Variants in RUNX1T1 observed in about 807,000 individuals in gnomAD.
RUNX1T1 encodes the protein RUNX1 partner transcriptional co-repressor 1, also known as protein CBFA2T1.
A neutral mutation model predicts 62.8 loss-of-function variants in RUNX1T1; 4 were observed. That is an observed-to-expected ratio of 0.06 (90% CI 0.03 to 0.15). The LOEUF is 0.15. Among genes scored for constraint, RUNX1T1 ranks in the 10% least tolerant of loss-of-function variants. The pLI, the probability that RUNX1T1 is intolerant of heterozygous loss-of-function variation, is 1.00. For missense variants in RUNX1T1, 508 were observed against 754.3 expected (o/e 0.67, Z 3.82); for synonymous variants, 291 against 286.0 (o/e 1.02, Z -0.18).
intron 2 of RUNX1T1, chr8:92,071,207 T>G (rs1177468238): frequency 2.0e-5 from 3 of 152,176 alleles, no homozygotes; most frequent in Non-Finnish European, 4.4e-5. Context: ...AACATTCAAG[T>G]GCAAAAGTTC....
chr8:92,094,915 T>C (rs1837561879), intron 1 of RUNX1T1: 2 of 748,852 alleles, frequency 2.7e-6, no homozygotes, highest in Non-Finnish European at 4.3e-6. Flanking sequence ...TCTAAAGGCT[T>C]CAGCGTCCAG....
At chr8:92,070,439 G>A (rs781564037) in intron 2 of RUNX1T1, among the ~76,000 whole-genome samples, 21 of 152,132 alleles carry the variant, frequency 1.4e-4, no homozygotes, top group Non-Finnish European at 2.2e-4. Context: ...AAATAAACAC[G>A]CACATGCCTG....
downstream of RUNX1T1, chr8:91,958,773 G>A (rs1292180931): frequency 5.9e-6 from 1 of 170,316 alleles, no homozygotes. Flanking sequence ...GGGAGTCATT[G>A]TGACAGTGCA....
At chr8:92,102,936 C>G (rs1006653583), upstream of RUNX1T1, 1 of 1,503,552 alleles carries the variant, frequency 6.7e-7, no homozygotes, top group Non-Finnish European at 8.8e-7. The surrounding 1 kb of genome is among the most constrained non-coding windows in gnomAD (Gnocchi z 4.5). Context: ...TCGGCCGGCC[C>G]GCGGGGCGAC....
upstream of RUNX1T1, among the ~76,000 whole-genome samples, chr8:92,100,445 A>G (rs1296889928): frequency 6.6e-6 from 1 of 152,228 alleles, no homozygotes; most frequent in Non-Finnish European, 1.5e-5. Flanking sequence ...TATTTAATAA[A>G]AAGTTAACCT....
intron 5 of RUNX1T1, among the ~76,000 whole-genome samples, chr8:91,996,565 C>T (rs903796312): frequency 6.6e-6 from 1 of 152,172 alleles, no homozygotes; most frequent in Non-Finnish European, 1.5e-5. Flanking sequence ...TTCCTCAACA[C>T]AATCTAACCA....
intron 1 of RUNX1T1, among the ~76,000 whole-genome samples, chr8:92,045,315 C>T (rs890577995): frequency 6.6e-6 from 1 of 152,074 alleles, no homozygotes; most frequent in Non-Finnish European, 1.5e-5. Context: ...CATAAATGTA[C>T]AATTTTTTCC....
chr8:91,999,220 C>G (rs1174016991), intron 5 of RUNX1T1, among the ~76,000 whole-genome samples: 1 of 152,108 alleles, frequency 6.6e-6, no homozygotes, highest in Non-Finnish European at 1.5e-5. Context: ...CCATTAAAAA[C>G]AGAACAAATG....
chr8:92,053,221 T>C (rs1830497999), intron 1 of RUNX1T1, among the ~76,000 whole-genome samples: 1 of 152,124 alleles, frequency 6.6e-6, no homozygotes, highest in Non-Finnish European at 1.5e-5. Context: ...TACCTGTCTA[T>C]CAAATTGTTA....
chr8:91,981,404 CTTTTTTTTTTTTT>C (rs67366711), intron 8 of RUNX1T1, among the ~76,000 whole-genome samples: 3 of 63,842 alleles, frequency 4.7e-5, no homozygotes, highest in African/African-American at 6.3e-5. Flanking sequence ...AGTTACTAAG[CTTTTTTTTTTTTT>C]TTTTTTTTTT....
chr8:91,974,812 G>A (rs1813570024), intron 9 of RUNX1T1, among the ~76,000 whole-genome samples: 1 of 152,156 alleles, frequency 6.6e-6, no homozygotes, highest in Admixed American at 6.5e-5. Flanking sequence ...AACCTAGAAT[G>A]CTATCAGATT....
chr8:91,970,043 T>TTG (rs1554595113), intron 10 of RUNX1T1, among the ~76,000 whole-genome samples: 12 of 142,808 alleles, frequency 8.4e-5, no homozygotes, highest in South Asian at 2.3e-4. Flanking sequence ...TGTGTGTGTG[T>TTG]TGTGTGTGTG....
chr8:91,997,004 G>T (rs1180872252), intron 5 of RUNX1T1, among the ~76,000 whole-genome samples: 2 of 151,558 alleles, frequency 1.3e-5, no homozygotes, highest in Non-Finnish European at 2.9e-5. Flanking sequence ...GAGCATGCCT[G>T]TATTCCCAGC....
intron 9 of RUNX1T1, among the ~76,000 whole-genome samples, chr8:91,975,151 C>T (rs1299269057): frequency 6.6e-6 from 1 of 152,164 alleles, no homozygotes; most frequent in Admixed American, 6.5e-5. Flanking sequence ...GTTTCATCTC[C>T]TGAGTTGGTT....
chr8:92,046,826 T>C (rs189309057), intron 1 of RUNX1T1, among the ~76,000 whole-genome samples: 1 of 152,234 alleles, frequency 6.6e-6, no homozygotes, highest in East Asian at 1.9e-4. Context: ...AGAACAGTGT[T>C]TAGGTTAAAG....
intron 1 of RUNX1T1, among the ~76,000 whole-genome samples, chr8:92,048,009 T>C (rs1359960065): frequency 2.0e-5 from 3 of 152,192 alleles, no homozygotes; most frequent in African/African-American, 4.8e-5. Flanking sequence ...TACAACTCCA[T>C]TGCACTGCTT....
chr8:91,988,313 T>A (rs1306467732), intron 6 of RUNX1T1, among the ~76,000 whole-genome samples: 1 of 152,062 alleles, frequency 6.6e-6, no homozygotes, highest in African/African-American at 2.4e-5. Context: ...TAGAACATAT[T>A]CTGAGATATA....
chr8:92,087,948 C>T (rs957093550), intron 1 of RUNX1T1, among the ~76,000 whole-genome samples: 1 of 152,202 alleles, frequency 6.6e-6, no homozygotes, highest in Non-Finnish European at 1.5e-5. Flanking sequence ...TTAACTCTTC[C>T]TTTAGACATG....
intron 2 of RUNX1T1, among the ~76,000 whole-genome samples, chr8:92,069,424 A>T (rs542604265): frequency 4.6e-5 from 7 of 152,104 alleles, no homozygotes; most frequent in Non-Finnish European, 8.8e-5. Flanking sequence ...AAAAAATCCC[A>T]GAATTTTTTT....
Sources: gnomAD v4.1 joint callset for allele counts (sites outside exome capture counted in the v4.1 genomes callset) on GRCh38, gnomAD v4.1.1 for gene constraint, Gnocchi (gnomAD v3.1) non-coding constraint, MANE v1.5 for transcripts, NCBI Gene and HGNC (gene_info 2026-07-23, HGNC 2026-07-21) for gene names.